Variants in SGPP2 observed in about 807,000 individuals in gnomAD.
SGPP2 encodes sphingosine 1-phosphate phosphohydrolase 2.
SGPP2 carries 30 observed loss-of-function variants against 33.9 expected under a neutral mutation model. The observed-to-expected ratio is 0.89, with a 90% CI of 0.66 to 1.20. The LOEUF is 1.20. SGPP2 is among the 50% of genes most tolerant of loss of function. The pLI, the probability that SGPP2 is intolerant of heterozygous loss-of-function variation, is 0.00. For synonymous variants in SGPP2, 233 were observed against 225.0 expected, an observed-to-expected ratio of 1.04 and a Z score of -0.32; for missense variants, 458 against 532.1, an observed-to-expected ratio of 0.86 and a Z score of 1.37.
rs374984596 is a variant in SGPP2 at position 222,558,361 on chromosome 2, C to A, written c.663C>A (p.Gly221=). Residue 221 remains glycine, a synonymous_variant, in exon 5 of 5, where the codon GGC becomes GGA. Coordinates refer to ENST00000321276, the MANE Select transcript of SGPP2 (RefSeq NM_152386.4). ...GMHTVLDVLG[G]VLITALLIVL... Reference sequence around the variant, plus strand: ...CCTTCCCAAAGGATGTGCTGGGTGGCGTCCTGATCACCGCACTCCTCATCG... The same window carrying A: ...CCTTCCCAAAGGATGTGCTGGGTGGAGTCCTGATCACCGCACTCCTCATCG... 2.4e-5 allele frequency: 38 copies of A among 1,613,898 alleles called. No individual in the cohort carries two copies. Among genetic ancestry groups the A allele is most frequent in the African/African-American group, 1.9e-4 (14 of 74,916 alleles).
At chr2:222,462,703 A>G (rs552290702) in intron 1 of SGPP2, among the ~76,000 whole-genome samples, 1,889 of 152,264 alleles carry the variant, frequency 0.012, 49 homozygotes, top group African/African-American at 0.043. Flanking sequence ...GACCACGAGG[A>G]ATGTTCCAGA....
chr2:222,449,532 C>T (rs1216594779), intron 1 of SGPP2, among the ~76,000 whole-genome samples: 4 of 147,894 alleles, frequency 2.7e-5, no homozygotes, highest in African/African-American at 1.0e-4. Context: ...TGCAGTGGTG[C>T]GATCTCAACT....
At chr2:222,426,607 A>G (rs1331352033) in intron 1 of SGPP2, among the ~76,000 whole-genome samples, 1 of 152,220 alleles carries the variant, frequency 6.6e-6, no homozygotes, top group Non-Finnish European at 1.5e-5. Flanking sequence ...CACCCAGCCA[A>G]CACAGGACTT....
chr2:222,467,757 G>C (rs775288815), intron 1 of SGPP2, among the ~76,000 whole-genome samples: 6 of 151,870 alleles, frequency 4.0e-5, no homozygotes, highest in Non-Finnish European at 8.8e-5. Context: ...AAATAAGACT[G>C]AGTTGTACCC....
intron 1 of SGPP2, among the ~76,000 whole-genome samples, chr2:222,430,917 C>T (rs1464284123): frequency 6.6e-6 from 1 of 151,954 alleles, no homozygotes; most frequent in Non-Finnish European, 1.5e-5. Context: ...GCTGTCACAA[C>T]TCAAGAGGAG....
intron 2 of SGPP2, among the ~76,000 whole-genome samples, chr2:222,484,519 C>G (rs1019644718): frequency 1.8e-4 from 27 of 152,216 alleles, no homozygotes; most frequent in East Asian, 5.8e-4. Context: ...TAAAGTGATG[C>G]AAAGAACTAA....
intron 2 of SGPP2, among the ~76,000 whole-genome samples, chr2:222,481,319 C>A (rs1267040090): frequency 6.6e-6 from 1 of 152,142 alleles, no homozygotes; most frequent in Non-Finnish European, 1.5e-5. Context: ...AAGATGAAAA[C>A]ATTTTTCATA....
At chr2:222,482,898 G>A (rs1359547506) in intron 2 of SGPP2, among the ~76,000 whole-genome samples, 1 of 152,202 alleles carries the variant, frequency 6.6e-6, no homozygotes, top group Non-Finnish European at 1.5e-5. Flanking sequence ...CTTCTTCAAG[G>A]AACTTGGAGA....
At chr2:222,506,832 C>T (rs1202120681) in intron 2 of SGPP2, among the ~76,000 whole-genome samples, 2 of 151,764 alleles carry the variant, frequency 1.3e-5, no homozygotes, top group Non-Finnish European at 1.5e-5. Context: ...ATTTAAAGAC[C>T]AGTGTTAAAG....
intron 1 of SGPP2, among the ~76,000 whole-genome samples, chr2:222,459,775 A>C (rs1334822883): frequency 6.6e-6 from 1 of 151,766 alleles, no homozygotes; most frequent in Non-Finnish European, 1.5e-5. Context: ...CTGGCCTTCA[A>C]CTCCATGCTC....
intron 2 of SGPP2, among the ~76,000 whole-genome samples, chr2:222,475,518 T>C (rs900845150): frequency 1.3e-5 from 2 of 152,128 alleles, no homozygotes; most frequent in Non-Finnish European, 2.9e-5. Context: ...TGTTGAGCAA[T>C]ACCTCCAAGC....
At position 222,476,547 on chromosome 2, in the gene SGPP2, C is replaced by G. The variant is rs1697935068; in HGVS notation, c.378+1821C>G. 6.6e-6 allele frequency among the ~76,000 whole-genome samples: 1 copy of G among 152,142 alleles called. No homozygotes were observed. The highest frequency in any genetic ancestry group is 2.4e-5 in the African/African-American group (1 of 41,418). ...TCCCTCCCCGTTTCTGAGGCCACTT[C>G]TGTGTCCACGGAGCAGGCAGGATGG... On this transcript the variant is annotated intron_variant, in intron 2 of 4. Coordinates refer to ENST00000321276, the MANE Select transcript of SGPP2 (RefSeq NM_152386.4). The surrounding 1 kb of genome is among the most constrained non-coding windows in gnomAD (Gnocchi z 4.3).
chr2:222,437,519 C>T (rs143635884), intron 1 of SGPP2, among the ~76,000 whole-genome samples: 2,416 of 152,284 alleles, frequency 0.016, 34 homozygotes, highest in South Asian at 0.075. Flanking sequence ...ATGAGGCCAT[C>T]GGTGCAGGCT....
intron 4 of SGPP2, among the ~76,000 whole-genome samples, chr2:222,533,362 G>A (rs1030716408): frequency 4.6e-5 from 7 of 152,160 alleles, no homozygotes; most frequent in Admixed American, 1.3e-4. Context: ...GCTGGACCCA[G>A]CACTACCCTT....
rs558929911 is a variant in SGPP2, at chr2:222,473,770, C to G, written c.220-798C>G. 1.2e-3 allele frequency among the ~76,000 whole-genome samples: 187 copies of G among 151,900 alleles called. 1 individual carries two copies. Among genetic ancestry groups the G allele is most frequent in the African/African-American group, 4.2e-3 (176 of 41,428 alleles). Reference sequence around the variant, plus strand: ...AGAAACCCCATCTCTACTAAAAATACAAAATTAGCTGGGTGTGGTGGTGCA... The same window carrying G: ...AGAAACCCCATCTCTACTAAAAATAGAAAATTAGCTGGGTGTGGTGGTGCA... On this transcript the variant is annotated intron_variant, in intron 1 of 4. Transcript: ENST00000321276.
chr2:222,488,895 CAGAG>C lies in SGPP2; in HGVS notation c.378+14170_378+14173del, dbSNP rs539045055. ...TTCTCGCATTCACAGGCACTGAAAT[CAGAG>C]GGGCAAAAATGTTTGTTCAATTTGA... On this transcript the variant is annotated intron_variant, in intron 2 of 4. Coordinates refer to ENST00000321276, the MANE Select transcript of SGPP2 (RefSeq NM_152386.4). 1.3e-3 allele frequency among the ~76,000 whole-genome samples: 199 copies of C among 152,252 alleles called. 1 individual carries two copies. Among genetic ancestry groups the C allele is most frequent in the African/African-American group, 4.5e-3 (187 of 41,540 alleles).
chr2:222,538,456 A>G (rs1698945984), intron 4 of SGPP2, among the ~76,000 whole-genome samples: 1 of 152,188 alleles, frequency 6.6e-6, no homozygotes, highest in African/African-American at 2.4e-5. Flanking sequence ...AGTGAAAAAA[A>G]GCAAGGTGAT....
rs1689555796 is a variant in SGPP2 at position 222,562,232 on chromosome 2, CA to C, written c.*3335del. 6.6e-6 allele frequency among the ~76,000 whole-genome samples: 1 copy of C among 152,188 alleles called. No individual in the cohort carries two copies. Among genetic ancestry groups the C allele is most frequent in the Admixed American group, 6.5e-5 (1 of 15,286 alleles). ...AATTGTCCACATTCCACCCCCAACC[CA>C]CTGCCACTGTGGGCCAAGCCATCCA... On this transcript the variant is annotated 3_prime_UTR_variant, in exon 5 of 5. Coordinates refer to ENST00000321276, the MANE Select transcript of SGPP2 (RefSeq NM_152386.4).
intron 2 of SGPP2, among the ~76,000 whole-genome samples, chr2:222,488,851 C>T (rs1201337833): frequency 1.3e-5 from 2 of 152,040 alleles, no homozygotes; most frequent in Non-Finnish European, 2.9e-5. Flanking sequence ...GGTTTTTGTT[C>T]CTTTTAAAAT....
Sources: allele counts gnomAD v4.1 joint callset (sites outside exome capture counted in the v4.1 genomes callset), GRCh38; gene constraint gnomAD v4.1.1; non-coding constraint Gnocchi (gnomAD v3.1); transcripts MANE v1.5; gene names NCBI Gene and HGNC (gene_info 2026-07-23, HGNC 2026-07-21).